GABRB1: variants seen among roughly 807,000 people sequenced by gnomAD.
GABRB1 encodes gamma-aminobutyric acid type A receptor subunit beta1.
Under a neutral mutation model 51.6 loss-of-function variants are expected in GABRB1, and 17 were observed. That is an observed-to-expected ratio of 0.33 (90% confidence interval 0.23 to 0.49). The LOEUF is 0.49. Ranked by LOEUF, GABRB1 falls within the 20% of genes least tolerant of loss-of-function variation. The pLI, the probability that GABRB1 is intolerant of heterozygous loss-of-function variation, is 0.99. For synonymous variants in GABRB1, 247 were observed against 218.9 expected (o/e 1.13, Z -1.14); for missense variants, 410 against 600.6 (o/e 0.68, Z 3.32).
chr4:47,083,776 T>C (rs1413854052), intron 3 of GABRB1, among the ~76,000 whole-genome samples: 1 of 152,142 alleles, frequency 6.6e-6, no homozygotes, highest in Non-Finnish European at 1.5e-5. Context: ...TTACCCCTAT[T>C]TACATTTACT....
intron 3 of GABRB1, among the ~76,000 whole-genome samples, chr4:47,144,032 G>A (rs936735124): frequency 1.1e-4 from 17 of 151,814 alleles, no homozygotes; most frequent in African/African-American, 4.1e-4. Flanking sequence ...TGTATTTGTT[G>A]TTTCTCCTTA....
chr4:47,402,901 C>G (rs898953903), intron 5 of GABRB1, among the ~76,000 whole-genome samples: 3 of 152,184 alleles, frequency 2.0e-5, no homozygotes, highest in Non-Finnish European at 2.9e-5. Context: ...TCTCTTTACA[C>G]TATCTGTTAT....
chr4:47,287,797 T>C (rs1198953313), intron 4 of GABRB1, among the ~76,000 whole-genome samples: 1 of 152,224 alleles, frequency 6.6e-6, no homozygotes, highest in Non-Finnish European at 1.5e-5. Context: ...AGTTGAGAGT[T>C]TCCCTATGGA....
chr4:47,176,366 T>G (rs1718702007), intron 4 of GABRB1, among the ~76,000 whole-genome samples: 1 of 152,122 alleles, frequency 6.6e-6, no homozygotes. Context: ...AGTGCACTGA[T>G]TGATTTGCTC....
chr4:47,333,095 C>T (rs541468628), intron 5 of GABRB1, among the ~76,000 whole-genome samples: 35 of 143,604 alleles, frequency 2.4e-4, no homozygotes, highest in African/African-American at 8.4e-4. Context: ...AAAATATATA[C>T]ATATTTTTAT....
rs548634294 is a variant in GABRB1 at position 47,382,846 on chromosome 4, C to T, written c.545-20472C>T. 6.6e-5 allele frequency among the ~76,000 whole-genome samples: 10 copies of T among 152,282 alleles called. No homozygotes were observed. In the East Asian group the frequency reaches 1.2e-3, roughly 18 times the overall value. The stretch of plus-strand genomic sequence containing the variant: ...CATAAACAAAATTGGCAGCTAGCCA[C>T]GTATTTCATCAATGTAACTGCCAAA... On this transcript the variant is annotated intron_variant, in intron 5 of 8. Coordinates refer to ENST00000295454, the MANE Select transcript of GABRB1 (RefSeq NM_000812.4).
intron 5 of GABRB1, among the ~76,000 whole-genome samples, chr4:47,341,982 TATATA>T (rs1163331652): frequency 6.6e-6 from 1 of 152,122 alleles, no homozygotes; most frequent in African/African-American, 2.4e-5. Flanking sequence ...AACTCCCTTA[TATATA>T]GATGAAGAGA....
intron 4 of GABRB1, among the ~76,000 whole-genome samples, chr4:47,200,323 G>T (rs993777): frequency 6.6e-6 from 1 of 151,964 alleles, no homozygotes; most frequent in East Asian, 1.9e-4. Context: ...CCCTAGCTGT[G>T]AGTGGCTGAG....
chr4:47,414,052 C>T (rs1728841150), intron 8 of GABRB1, among the ~76,000 whole-genome samples: 1 of 152,182 alleles, frequency 6.6e-6, no homozygotes, highest in African/African-American at 2.4e-5. Flanking sequence ...AATCCCTTTC[C>T]ATTTGCAAAT....
At chr4:47,414,315 T>C (rs1207730957) in intron 8 of GABRB1, among the ~76,000 whole-genome samples, 1 of 152,212 alleles carries the variant, frequency 6.6e-6, no homozygotes, top group African/African-American at 2.4e-5. Context: ...TTATACATTT[T>C]AGGGAGACAT....
intron 3 of GABRB1, among the ~76,000 whole-genome samples, chr4:47,039,029 C>T (rs979504073): frequency 2.6e-5 from 4 of 152,100 alleles, no homozygotes; most frequent in Non-Finnish European, 2.9e-5. Flanking sequence ...AAGGGAAAGA[C>T]GTTAATAGTA....
At chr4:47,368,065 G>A (rs547854375) in intron 5 of GABRB1, among the ~76,000 whole-genome samples, 1 of 152,298 alleles carries the variant, frequency 6.6e-6, no homozygotes, top group East Asian at 1.9e-4. Context: ...GCAGCAGAAA[G>A]CTCTGGGAGT....
chr4:47,170,411 ACACACACG>A (rs1560569382), intron 4 of GABRB1, among the ~76,000 whole-genome samples: 5 of 151,842 alleles, frequency 3.3e-5, no homozygotes, highest in African/African-American at 7.3e-5. Flanking sequence ...ACGCACACAC[ACACACACG>A]CACACACGCA....
intron 4 of GABRB1, among the ~76,000 whole-genome samples, chr4:47,200,281 A>T (rs184863865): frequency 5.9e-4 from 90 of 152,252 alleles, no homozygotes; most frequent in African/African-American, 2.2e-3. Context: ...TTTGAAATGC[A>T]CTTGTTGATA....
At chr4:47,336,218 T>C (rs984715362) in intron 5 of GABRB1, among the ~76,000 whole-genome samples, 10 of 152,174 alleles carry the variant, frequency 6.6e-5, no homozygotes, top group African/African-American at 2.4e-4. Flanking sequence ...TCTGGAAATA[T>C]AAATTTACAA....
rs564608254 is a variant in GABRB1, at chr4:47,287,095, A to T, written c.462-33032A>T. On this transcript the variant is annotated intron_variant, in intron 4 of 8. Transcript: ENST00000295454. ...TTCTTGAACCTCAACTCTGGTCCTC[A>T]TAATCACACTATCATTGGGAAAGTC... Among the ~76,000 whole-genome samples, 114 of 152,260 alleles carry T rather than the reference A, an allele frequency of 7.5e-4. 1 individual carries two copies. Among genetic ancestry groups the T allele is most frequent in the Non-Finnish European group, 1.0e-3 (68 of 68,036 alleles).
intron 4 of GABRB1, among the ~76,000 whole-genome samples, chr4:47,206,618 C>T (rs1477807511): frequency 6.6e-6 from 1 of 151,802 alleles, no homozygotes; most frequent in East Asian, 1.9e-4. Context: ...CACTAAAGAT[C>T]TAGATTTTAT....
At chr4:47,060,291 C>T (rs1726790790) in intron 3 of GABRB1, among the ~76,000 whole-genome samples, 1 of 152,092 alleles carries the variant, frequency 6.6e-6, no homozygotes, top group African/African-American at 2.4e-5. Flanking sequence ...CCTGTCATAC[C>T]TGAATACCAG....
intron 1 of GABRB1, among the ~76,000 whole-genome samples, chr4:47,024,942 A>ATATATATATATATATATATATG (rs1725042857): frequency 7.4e-6 from 1 of 135,522 alleles, no homozygotes; most frequent in Non-Finnish European, 1.6e-5. Flanking sequence ...TCATATATAT[A>ATATATATATATATATATATATG]TATATATATG....
Sources: allele counts gnomAD v4.1 joint callset (sites outside exome capture counted in the v4.1 genomes callset), GRCh38; gene constraint gnomAD v4.1.1; transcripts MANE v1.5; gene names NCBI Gene and HGNC (gene_info 2026-07-23, HGNC 2026-07-21).